Variants in NTM observed in about 807,000 individuals in gnomAD.
The protein encoded by NTM is IgLON family member 2.
NTM carries 13 observed loss-of-function variants against 42.1 expected under a neutral mutation model. The ratio of observed to expected loss-of-function variants is 0.31; its 90% confidence interval spans 0.20 to 0.49. The LOEUF (loss-of-function observed/expected upper bound fraction) is 0.49. Among genes scored for constraint, NTM ranks in the 20% least tolerant of loss-of-function variants. The pLI is 0.99. For synonymous variants in NTM, 187 were observed against 179.2 expected, an observed-to-expected ratio of 1.04 and a Z score of -0.35; for missense variants, 373 against 452.8, an observed-to-expected ratio of 0.82 and a Z score of 1.60.
intron 7 of NTM, among the ~76,000 whole-genome samples, chr11:132,327,474 A>G (rs915601967): frequency 6.6e-5 from 10 of 152,256 alleles, no homozygotes; most frequent in Non-Finnish European, 8.8e-5. Context: ...AGGCCAAGTC[A>G]TCCAGTGGTT....
At chr11:132,305,593 T>C (rs1013616527) in intron 4 of NTM, among the ~76,000 whole-genome samples, 1 of 152,204 alleles carries the variant, frequency 6.6e-6, no homozygotes, top group African/African-American at 2.4e-5. Context: ...TCCGAGATGC[T>C]TGGCACAGTA....
chr11:131,718,509 A>T (rs1333430880), intron 1 of NTM, among the ~76,000 whole-genome samples: 1 of 152,180 alleles, frequency 6.6e-6, no homozygotes, highest in Non-Finnish European at 1.5e-5. Context: ...GGGTTAATCA[A>T]GTTTTCCATT....
At chr11:132,313,301 T>C (rs1442134338) in intron 6 of NTM, among the ~76,000 whole-genome samples, 2 of 151,904 alleles carry the variant, frequency 1.3e-5, no homozygotes, top group East Asian at 3.9e-4. Context: ...TGAGTACTGT[T>C]TGTTTTTCTC....
At chr11:132,281,587 A>G (rs2093972690) in intron 4 of NTM, among the ~76,000 whole-genome samples, 1 of 152,224 alleles carries the variant, frequency 6.6e-6, no homozygotes, top group South Asian at 2.1e-4. Flanking sequence ...CCCAGTCTGT[A>G]AGAATAGATA....
intron 1 of NTM, among the ~76,000 whole-genome samples, chr11:131,529,384 C>T (rs1433781108): frequency 3.3e-5 from 5 of 152,242 alleles, no homozygotes; most frequent in Admixed American, 3.3e-4. Context: ...CACGTGCACA[C>T]ACAAGACTCA....
intron 2 of NTM, among the ~76,000 whole-genome samples, chr11:131,983,478 C>T (rs562501297): frequency 4.7e-5 from 7 of 148,806 alleles, no homozygotes; most frequent in Non-Finnish European, 5.9e-5. Context: ...CGGGTTCAAG[C>T]GATTCTCCTA....
In NTM at chr11:131,370,814, C is replaced by A; in HGVS notation, c.8C>A (p.Thr3Asn). MK[T>N]IQPKMHNSIS... The stretch of plus-strand genomic sequence containing the variant: ...AGAAGAAGAAAAAAAATCATGAAAA[C>A]CATCCAGCCAAAAATGCACAATTCT... The change falls in exon 1 of 9, where the codon ACC (threonine) becomes AAC (asparagine). Residue 3 changes from threonine to asparagine, a missense_variant. Coordinates refer to ENST00000683400, the MANE Select transcript of NTM (RefSeq NM_001352005.2). The A allele has an allele frequency of 6.2e-7, 1 of 1,613,084 alleles. No homozygotes were observed. The highest frequency in any genetic ancestry group is 8.5e-7 in the Non-Finnish European group (1 of 1,179,656).
chr11:131,503,546 A>G lies in NTM; in HGVS notation c.82+132658A>G, dbSNP rs183331531. On this transcript the variant is annotated intron_variant, in intron 1 of 8. Coordinates refer to ENST00000683400, the MANE Select transcript of NTM (RefSeq NM_001352005.2). ...GTTACAATTTTTTTTTTTTTGAGAC[A>G]AGGTCTTACTCTGTTGCTCAGGCTG... 4.5e-3 allele frequency among the ~76,000 whole-genome samples: 662 copies of G among 147,302 alleles called. 6 individuals carry two copies. The highest frequency in any genetic ancestry group is 0.016 in the African/African-American group (589 of 37,992).
At chr11:132,267,195 G>T (rs917744314) in intron 4 of NTM, among the ~76,000 whole-genome samples, 11 of 152,146 alleles carry the variant, frequency 7.2e-5, no homozygotes, top group Admixed American at 3.9e-4. Flanking sequence ...CAAAGATTCA[G>T]TAGATGAAAG....
At chr11:132,077,307 T>C (rs1242159693) in intron 2 of NTM, among the ~76,000 whole-genome samples, 1 of 152,268 alleles carries the variant, frequency 6.6e-6, no homozygotes, top group Non-Finnish European at 1.5e-5. Flanking sequence ...TTCAAGTCTT[T>C]ACTTGATTTA....
chr11:131,905,119 T>G (rs1432188670), intron 1 of NTM, among the ~76,000 whole-genome samples: 1 of 152,164 alleles, frequency 6.6e-6, no homozygotes, highest in Non-Finnish European at 1.5e-5. Flanking sequence ...TGTGCTAAAC[T>G]CTTTGCAGCT....
intron 4 of NTM, among the ~76,000 whole-genome samples, chr11:132,224,028 G>A (rs2085686362): frequency 6.6e-6 from 1 of 152,332 alleles, no homozygotes; most frequent in African/African-American, 2.4e-5. Context: ...ATCAGTCATT[G>A]GCAGAAAAGA....
intron 4 of NTM, among the ~76,000 whole-genome samples, chr11:132,300,929 C>T (rs189681809): frequency 1.3e-4 from 20 of 152,260 alleles, no homozygotes; most frequent in Admixed American, 5.2e-4. Context: ...TGCTTTCCAG[C>T]TCCCAGGACT....
chr11:131,918,826 C>T (rs964326358), intron 2 of NTM, among the ~76,000 whole-genome samples: 4 of 152,114 alleles, frequency 2.6e-5, no homozygotes, highest in Admixed American at 6.5e-5. Context: ...GGGACCCAAC[C>T]GACCTCTAGA....
At chr11:131,483,218 T>C (rs1345488731) in intron 1 of NTM, among the ~76,000 whole-genome samples, 1 of 152,198 alleles carries the variant, frequency 6.6e-6, no homozygotes, top group East Asian at 1.9e-4. Context: ...TCCTTCACCT[T>C]AGTATTGGAA....
At chr11:131,455,601 CAAAT>C (rs1457684942) in intron 1 of NTM, 1 of 152,212 alleles carries the variant, frequency 6.6e-6, no homozygotes, top group Non-Finnish European at 1.5e-5. Flanking sequence ...CGTTCAAAGT[CAAAT>C]AGAGATTTGC....
At chr11:132,014,988 T>C (rs923355103) in intron 2 of NTM, among the ~76,000 whole-genome samples, 2 of 151,946 alleles carry the variant, frequency 1.3e-5, no homozygotes, top group African/African-American at 4.8e-5. Context: ...CTGGAGTGTT[T>C]CCCCCATGTT....
intron 1 of NTM, among the ~76,000 whole-genome samples, chr11:131,435,570 C>T (rs1949055642): frequency 6.6e-6 from 1 of 152,184 alleles, no homozygotes; most frequent in Admixed American, 6.5e-5. Flanking sequence ...TGGGAGTTCA[C>T]TCATGATTTG....
intron 1 of NTM, among the ~76,000 whole-genome samples, chr11:131,560,108 G>A (rs149057181): frequency 6.6e-6 from 1 of 152,214 alleles, no homozygotes; most frequent in African/African-American, 2.4e-5. Context: ...TGCCCCACGT[G>A]TCTTCAGGAG....
Sources: gnomAD v4.1 joint callset for allele counts (sites outside exome capture counted in the v4.1 genomes callset) on GRCh38, gnomAD v4.1.1 for gene constraint, MANE v1.5 for transcripts, NCBI Gene and HGNC (gene_info 2026-07-23, HGNC 2026-07-21) for gene names.